BASP1: variants seen among roughly 807,000 people sequenced by gnomAD.
BASP1 encodes the protein brain abundant membrane attached signal protein 1.
In BASP1, 1 loss-of-function variant was observed where a neutral mutation model predicts 2.2. The ratio of observed to expected loss-of-function variants is 0.46; its 90% CI spans 0.16 to 2.17. The LOEUF (loss-of-function observed/expected upper bound fraction) is 2.17. Ranked by LOEUF, BASP1 falls within the 30% of genes most tolerant of loss-of-function variation. BASP1 has a pLI of 0.27. For missense variants in BASP1, 352 were observed against 327.2 expected (o/e 1.08, Z -0.58); for synonymous variants, 187 against 154.2 (o/e 1.21, Z -1.58).
intron 1 of BASP1, among the ~76,000 whole-genome samples, chr5:17,263,664 G>A (rs926398380): frequency 3.3e-5 from 5 of 152,146 alleles, no homozygotes; most frequent in African/African-American, 1.2e-4. Context: ...AACTCATCTG[G>A]ATCACCTCTT....
rs1194509493 is a variant in BASP1, at chr5:17,236,556, C to T, written c.-10+18746C>T. ...CTGGGATTACAGGCGTGAGCCACCG[C>T]GCTCGGCCGAGAGCTAGTTTCCTGA... On this transcript the variant is annotated intron_variant, in intron 1 of 1. Coordinates refer to ENST00000322611, the MANE Select transcript of BASP1 (RefSeq NM_006317.5). This position sits in a 1 kb window ranked among gnomAD's most constrained non-coding sequence, Gnocchi z 4.0. Among the ~76,000 whole-genome samples the T allele has an allele frequency of 6.6e-6, 1 of 152,102 alleles. No individual in the cohort carries two copies. The highest frequency in any genetic ancestry group is 1.5e-5 in the Non-Finnish European group (1 of 68,016).
rs2126507819 is a variant in BASP1, at chr5:17,251,461, T to G, written c.-9-23747T>G. 6.6e-6 allele frequency among the ~76,000 whole-genome samples: 1 copy of G among 152,328 alleles called. No individual in the cohort carries two copies. The highest frequency in any genetic ancestry group is 2.1e-4 in the South Asian group (1 of 4,826). ...CCATTAAATATATGTTAAAAAGATT[T>G]CAGACTCATCTCTCAGCTCTTCCTT... On this transcript the variant is annotated intron_variant, in intron 1 of 1. Transcript: ENST00000322611. The surrounding 1 kb of genome is among the most constrained non-coding windows in gnomAD (Gnocchi z 4.0).
intron 1 of BASP1, among the ~76,000 whole-genome samples, chr5:17,240,113 G>A (rs1437089065): frequency 1.4e-5 from 2 of 145,574 alleles, no homozygotes; most frequent in Non-Finnish European, 3.0e-5. Flanking sequence ...AGAACATGTT[G>A]GGAAAAAAAT....
intron 1 of BASP1, among the ~76,000 whole-genome samples, chr5:17,219,069 A>G (rs2126483991): frequency 6.6e-6 from 1 of 152,218 alleles, no homozygotes; most frequent in Admixed American, 6.5e-5. Flanking sequence ...TAGCGTCGAA[A>G]TGGCCTTCTG....
chr5:17,254,464 A>G (rs1196011694), intron 1 of BASP1, among the ~76,000 whole-genome samples: 1 of 152,194 alleles, frequency 6.6e-6, no homozygotes, highest in African/African-American at 2.4e-5. Flanking sequence ...CCTGACTTAG[A>G]TGATGGTTCG....
chr5:17,256,458 CAAAT>C (rs1740213063), intron 1 of BASP1, among the ~76,000 whole-genome samples: 1 of 152,106 alleles, frequency 6.6e-6, no homozygotes, highest in South Asian at 2.1e-4. Context: ...TGTCATTTCT[CAAAT>C]AAATAAGTGA....
At chr5:17,247,868 T>C (rs2126505294) in intron 1 of BASP1, among the ~76,000 whole-genome samples, 1 of 152,228 alleles carries the variant, frequency 6.6e-6, no homozygotes, top group East Asian at 1.9e-4. Context: ...ATATTTAGCG[T>C]TTTTGTGGTC....
At chr5:17,224,188 T>C (rs1739446950) in intron 1 of BASP1, among the ~76,000 whole-genome samples, 1 of 152,226 alleles carries the variant, frequency 6.6e-6, no homozygotes, top group Non-Finnish European at 1.5e-5. Context: ...GACACTTTGT[T>C]GTTGAGCAAA....
At chr5:17,247,770 G>T (rs140513070) in intron 1 of BASP1, among the ~76,000 whole-genome samples, 1 of 152,180 alleles carries the variant, frequency 6.6e-6, no homozygotes, top group South Asian at 2.1e-4. Flanking sequence ...CTGGCGCTTC[G>T]TATGTACATT....
At position 17,259,294 on chromosome 5, in the gene BASP1, C is replaced by T. The variant is rs576252880; in HGVS notation, c.-9-15914C>T. 5.9e-5 allele frequency among the ~76,000 whole-genome samples: 9 copies of T among 152,224 alleles called. No homozygotes were observed. In the South Asian group the frequency reaches 1.9e-3, roughly 32 times the overall value. ...AAAAACAGTGCAGGAAAGACCTGCC[C>T]CCATAATTTAATCACCTCCCACGGG... On this transcript the variant is annotated intron_variant, in intron 1 of 1. Transcript: ENST00000322611.
intron 1 of BASP1, among the ~76,000 whole-genome samples, chr5:17,250,255 A>C (rs1038335310): frequency 6.6e-6 from 1 of 151,948 alleles, no homozygotes; most frequent in African/African-American, 2.4e-5. Context: ...CCCTGATTTT[A>C]ATTTGGGGCA....
At chr5:17,244,693 TG>T (rs1162904462) in intron 1 of BASP1, among the ~76,000 whole-genome samples, 12 of 150,468 alleles carry the variant, frequency 8.0e-5, no homozygotes, top group Admixed American at 1.3e-4. Context: ...ATAATTGTAG[TG>T]TTTTTTTTTT....
chr5:17,263,291 A>T (rs1246317420), intron 1 of BASP1, among the ~76,000 whole-genome samples: 1 of 151,076 alleles, frequency 6.6e-6, no homozygotes, highest in African/African-American at 2.4e-5. Flanking sequence ...TTTTTTTTTT[A>T]ACATTTCTTT....
At chr5:17,230,606 T>C (rs562649865) in intron 1 of BASP1, among the ~76,000 whole-genome samples, 1 of 152,264 alleles carries the variant, frequency 6.6e-6, no homozygotes, top group African/African-American at 2.4e-5. Context: ...GCTCGCTCTG[T>C]GATGCAGGCT....
chr5:17,276,156 T>C lies in BASP1; in HGVS notation c.*256T>C. ...AGTATTTTTGTGGGGAAATATCTAA[T>C]ATACCTTCAGTCAACTTTACCAAGA... is the stretch of plus-strand genomic sequence containing the variant. On this transcript the variant is annotated 3_prime_UTR_variant, in exon 2 of 2. Coordinates refer to ENST00000322611, the MANE Select transcript of BASP1 (RefSeq NM_006317.5). 1 of 342,854 alleles carries C rather than the reference T, an allele frequency of 2.9e-6. No homozygotes were observed. Among genetic ancestry groups the C allele is most frequent in the Non-Finnish European group, 5.5e-6 (1 of 182,440 alleles). The allele number at this position is 342,854 out of a possible 1,614,324, so 21.2% of individuals were successfully genotyped here. A position where few individuals can be genotyped will look rare whatever the true frequency, so the allele number is the denominator to read the frequency against.
intron 1 of BASP1, among the ~76,000 whole-genome samples, chr5:17,234,959 A>G (rs536861855): frequency 6.6e-6 from 1 of 152,338 alleles, no homozygotes; most frequent in South Asian, 2.1e-4. Flanking sequence ...AGCATCGATT[A>G]CATTTAGTTT....
chr5:17,221,053 T>C (rs1389779842), intron 1 of BASP1, among the ~76,000 whole-genome samples: 1 of 152,236 alleles, frequency 6.6e-6, no homozygotes, highest in Non-Finnish European at 1.5e-5. Context: ...CACTCTAAAA[T>C]CTTATGAATA....
chr5:17,220,646 G>C (rs113745054), intron 1 of BASP1, among the ~76,000 whole-genome samples: 1 of 152,100 alleles, frequency 6.6e-6, no homozygotes, highest in Non-Finnish European at 1.5e-5. Context: ...CCATTGTGAC[G>C]TGTAGAAGAG....
intron 1 of BASP1, among the ~76,000 whole-genome samples, chr5:17,255,178 A>G (rs1353636656): frequency 6.6e-6 from 1 of 152,170 alleles, no homozygotes; most frequent in Non-Finnish European, 1.5e-5. Context: ...AGTGTTTGAG[A>G]TACCTGGAAT....
Sources: gnomAD v4.1 joint callset for allele counts (sites outside exome capture counted in the v4.1 genomes callset) on GRCh38, gnomAD v4.1.1 for gene constraint, Gnocchi (gnomAD v3.1) non-coding constraint, MANE v1.5 for transcripts, NCBI Gene and HGNC (gene_info 2026-07-23, HGNC 2026-07-21) for gene names.